AJAP1: variants seen among roughly 807,000 people sequenced by gnomAD.
AJAP1 encodes adherens junction-associated protein 1.
AJAP1 carries 5 observed loss-of-function variants against 35.0 expected under a neutral mutation model. The ratio of observed to expected loss-of-function variants is 0.14; its 90% CI spans 0.07 to 0.30. The LOEUF is 0.30. Ranked by LOEUF, AJAP1 falls within the 10% of genes least tolerant of loss-of-function variation. The pLI, the probability that AJAP1 is intolerant of heterozygous loss-of-function variation, is 1.00. For synonymous variants in AJAP1, 284 were observed against 249.3 expected, an observed-to-expected ratio of 1.14 and a Z score of -1.31; for missense variants, 586 against 571.0, an observed-to-expected ratio of 1.03 and a Z score of -0.27.
intron 5 of AJAP1, among the ~76,000 whole-genome samples, chr1:4,781,392 T>C (rs1041429488): frequency 1.3e-5 from 2 of 152,166 alleles, no homozygotes; most frequent in African/African-American, 4.8e-5. Context: ...GAGACCCTGA[T>C]TCCAGGTCTC....
chr1:4,704,675 C>A (rs1400483624), intron 1 of AJAP1, among the ~76,000 whole-genome samples: 13 of 152,270 alleles, frequency 8.5e-5, no homozygotes, highest in East Asian at 5.8e-4. Flanking sequence ...TATACCCAGT[C>A]ATGGGATGGC....
chr1:4,725,257 G>T (rs1158167848), intron 2 of AJAP1, among the ~76,000 whole-genome samples: 4 of 152,232 alleles, frequency 2.6e-5, no homozygotes, highest in Admixed American at 2.6e-4. Flanking sequence ...GGAATAGGCA[G>T]ATGTGCATCA....
intron 1 of AJAP1, among the ~76,000 whole-genome samples, chr1:4,691,490 G>T (rs114303740): frequency 6.6e-6 from 1 of 152,222 alleles, no homozygotes; most frequent in East Asian, 1.9e-4. Flanking sequence ...ACACAGTGGG[G>T]CTCGGGAATT....
At chr1:4,765,057 G>A (rs1641649996) in intron 2 of AJAP1, among the ~76,000 whole-genome samples, 1 of 152,162 alleles carries the variant, frequency 6.6e-6, no homozygotes. Flanking sequence ...TCATCTGGAT[G>A]GCAGCTGATT....
At chr1:4,696,196 C>T (rs571735016) in intron 1 of AJAP1, among the ~76,000 whole-genome samples, 2 of 152,278 alleles carry the variant, frequency 1.3e-5, no homozygotes, top group South Asian at 2.1e-4. Context: ...AGTGCTGGCT[C>T]CTGGTCATTC....
At chr1:4,698,649 C>G (rs1022342164) in intron 1 of AJAP1, among the ~76,000 whole-genome samples, 1 of 152,214 alleles carries the variant, frequency 6.6e-6, no homozygotes, top group South Asian at 2.1e-4. Context: ...GTCATCCTTC[C>G]TCGGTGTGAC....
At chr1:4,764,233 TG>T (rs1340860265) in intron 2 of AJAP1, among the ~76,000 whole-genome samples, 1 of 152,244 alleles carries the variant, frequency 6.6e-6, no homozygotes, top group Admixed American at 6.5e-5. Context: ...ATTCACCCCT[TG>T]GAAGACTCTG....
chr1:4,751,816 AGT>A (rs1242985792), intron 2 of AJAP1, among the ~76,000 whole-genome samples: 1 of 152,228 alleles, frequency 6.6e-6, no homozygotes, highest in Non-Finnish European at 1.5e-5. Flanking sequence ...CTATGTGTAC[AGT>A]AAGATTGGGT....
At chr1:4,670,187 C>G (rs1461322642) in intron 1 of AJAP1, among the ~76,000 whole-genome samples, 1 of 152,212 alleles carries the variant, frequency 6.6e-6, no homozygotes, top group Non-Finnish European at 1.5e-5. Context: ...ACAGGCCTCT[C>G]TATGCCTGTG....
chr1:4,691,806 G>A (rs1336309751), intron 1 of AJAP1, among the ~76,000 whole-genome samples: 4 of 152,126 alleles, frequency 2.6e-5, no homozygotes, highest in Non-Finnish European at 5.9e-5. Context: ...GGGGACAAGC[G>A]CTCAGAGGGG....
Position 4,790,612 on chromosome 1 carries a change from C to T in AJAP1, c.*8127C>T, listed in dbSNP as rs887329035. On this transcript the variant is annotated 3_prime_UTR_variant, in exon 6 of 6. Transcript: ENST00000378191. ...GTTTTGTTCTATTTCTTGTTTTTCA[C>T]TAGCGTTTGCGTTGCTTCCTCTGAA... 6.6e-6 allele frequency: 1 copy of T among 152,226 alleles called. No homozygotes were observed. Among genetic ancestry groups the T allele is most frequent in the Non-Finnish European group, 1.5e-5 (1 of 68,046 alleles). The allele number at this position is 152,226 out of a possible 1,614,324, so 9.4% of individuals were successfully genotyped here.
At chr1:4,751,427 C>G (rs184607210) in intron 2 of AJAP1, among the ~76,000 whole-genome samples, 1 of 152,190 alleles carries the variant, frequency 6.6e-6, no homozygotes, top group Non-Finnish European at 1.5e-5. Flanking sequence ...CAGGTGTGCC[C>G]CAGCAAGGAG....
rs568999169 is a variant in AJAP1, at chr1:4,762,910, T to C, written c.830-6943T>C. The stretch of plus-strand genomic sequence containing the variant: ...TACCAAGAAACTTGGGGTGACTCCA[T>C]GTTATGGACCTCTACAGTGGCTCCA... On this transcript the variant is annotated intron_variant, in intron 2 of 5. Transcript: ENST00000378191. Among the ~76,000 whole-genome samples the C allele has an allele frequency of 3.3e-5, 5 of 152,308 alleles. No individual in the cohort carries two copies. The South Asian group carries it at 1.0e-3, about 32-fold the overall frequency.
rs887206000 is a variant in AJAP1, at chr1:4,692,283, G to C, written c.30-19617G>C. Among the ~76,000 whole-genome samples the C allele has an allele frequency of 6.6e-6, 1 of 152,158 alleles. No homozygotes were observed. Among genetic ancestry groups the C allele is most frequent in the African/African-American group, 2.4e-5 (1 of 41,444 alleles). ...AGGACAGGGTTGTCAGGGCTTCTCG[G>C]GCTCCTCACCCCGCGCCCTGGGCTG... On this transcript the variant is annotated intron_variant, in intron 1 of 5. Transcript: ENST00000378191. The surrounding 1 kb of genome is among the most constrained non-coding windows in gnomAD (Gnocchi z 4.4).
intron 2 of AJAP1, among the ~76,000 whole-genome samples, chr1:4,761,891 A>G (rs545581582): frequency 9.9e-5 from 15 of 152,268 alleles, no homozygotes; most frequent in African/African-American, 3.6e-4. Flanking sequence ...ACCCAGACTG[A>G]GGATGGGTCT....
chr1:4,717,750 A>G (rs1189660947), intron 2 of AJAP1, among the ~76,000 whole-genome samples: 1 of 152,186 alleles, frequency 6.6e-6, no homozygotes, highest in Non-Finnish European at 1.5e-5. Flanking sequence ...CCTCAGGAGC[A>G]AGCCTCATGA....
chr1:4,759,760 C>A (rs1225514366), intron 2 of AJAP1, among the ~76,000 whole-genome samples: 1 of 152,322 alleles, frequency 6.6e-6, no homozygotes, highest in South Asian at 2.1e-4. Context: ...GTTTGATGTA[C>A]TGACCATTTT....
chr1:4,700,359 C>T (rs1053950514), intron 1 of AJAP1, among the ~76,000 whole-genome samples: 4 of 152,132 alleles, frequency 2.6e-5, no homozygotes, highest in Non-Finnish European at 5.9e-5. Flanking sequence ...TGCTGGGCCT[C>T]GCCCCCACAG....
chr1:4,673,074 A>G (rs954988765), intron 1 of AJAP1, among the ~76,000 whole-genome samples: 2 of 152,190 alleles, frequency 1.3e-5, no homozygotes, highest in African/African-American at 4.8e-5. Context: ...GACAACCTGA[A>G]TGAGCTTGGA....
Sources: gnomAD v4.1 joint callset for allele counts (sites outside exome capture counted in the v4.1 genomes callset) on GRCh38, gnomAD v4.1.1 for gene constraint, Gnocchi (gnomAD v3.1) non-coding constraint, MANE v1.5 for transcripts, NCBI Gene and HGNC (gene_info 2026-07-23, HGNC 2026-07-21) for gene names.